FGF1: variants seen among roughly 807,000 people sequenced by gnomAD.
FGF1 encodes the protein fibroblast growth factor 1.
In FGF1, 9 loss-of-function variants were observed where a neutral mutation model predicts 13.4. The ratio of observed to expected loss-of-function variants is 0.67; its 90% CI spans 0.40 to 1.17. FGF1 has a LOEUF of 1.17. Among genes scored for constraint, FGF1 ranks in the 50% most tolerant of loss-of-function variants. The pLI is 0.01. For missense variants in FGF1, 156 were observed against 192.7 expected (o/e 0.81, Z 1.13); for synonymous variants, 93 against 79.0 (o/e 1.18, Z -0.94).
intron 1 of FGF1, among the ~76,000 whole-genome samples, chr5:142,678,427 G>A (rs764626086): frequency 1.3e-5 from 2 of 152,110 alleles, no homozygotes; most frequent in Non-Finnish European, 2.9e-5. Context: ...AGTCATTCAG[G>A]CACCTGCAAG....
chr5:142,635,239 G>T (rs1764055146), intron 1 of FGF1, among the ~76,000 whole-genome samples: 1 of 152,174 alleles, frequency 6.6e-6, no homozygotes. Flanking sequence ...GAATGGGGAT[G>T]ATAACAGTAC....
intron 3 of FGF1, among the ~76,000 whole-genome samples, chr5:142,596,731 C>A (rs1755360907): frequency 6.7e-6 from 1 of 149,706 alleles, no homozygotes; most frequent in Middle Eastern, 3.4e-3. Flanking sequence ...GGTGACAGAG[C>A]AAGAACCTGT....
intron 1 of FGF1, among the ~76,000 whole-genome samples, chr5:142,657,711 C>T (rs1039306751): frequency 6.6e-6 from 1 of 152,258 alleles, no homozygotes; most frequent in Non-Finnish European, 1.5e-5. Flanking sequence ...GGGTCTCTAC[C>T]ACATTCTCTG....
intron 2 of FGF1, among the ~76,000 whole-genome samples, chr5:142,606,496 G>A (rs1227706211): frequency 2.0e-5 from 3 of 151,788 alleles, no homozygotes; most frequent in Non-Finnish European, 4.4e-5. Flanking sequence ...GTTGGTGGGC[G>A]CCTGTAATCC....
chr5:142,664,271 C>A (rs1769858623), intron 1 of FGF1, among the ~76,000 whole-genome samples: 1 of 152,228 alleles, frequency 6.6e-6, no homozygotes, highest in African/African-American at 2.4e-5. Context: ...TCCCAGGCAG[C>A]GTGCACTGAT....
At chr5:142,660,975 G>A (rs1159659340) in intron 1 of FGF1, among the ~76,000 whole-genome samples, 1 of 152,200 alleles carries the variant, frequency 6.6e-6, no homozygotes, top group Non-Finnish European at 1.5e-5. Flanking sequence ...GGCTCCAAAT[G>A]GAACATGGTT....
rs547433855 is a variant in FGF1 at position 142,675,898 on chromosome 5, G to T, written c.-35+10059C>A. On this transcript the variant is annotated intron_variant, in intron 1 of 3. Transcript: ENST00000337706. ...TTGAGGAACTGAACACCCCCTGGCTGGTTGGGAACCCCAAAGCCTTTTTGT... is the reference window on the plus strand; with the variant it reads ...TTGAGGAACTGAACACCCCCTGGCTTGTTGGGAACCCCAAAGCCTTTTTGT... 2.5e-4 allele frequency among the ~76,000 whole-genome samples: 38 copies of T among 152,312 alleles called. 1 individual carries two copies. Among genetic ancestry groups the T allele is most frequent in the African/African-American group, 9.1e-4 (38 of 41,564 alleles).
chr5:142,675,215 G>A (rs1212808159), intron 1 of FGF1, among the ~76,000 whole-genome samples: 1 of 152,176 alleles, frequency 6.6e-6, no homozygotes, highest in Non-Finnish European at 1.5e-5. Context: ...GTCATAGTGG[G>A]ACAGGAAGAG....
chr5:142,623,128 G>C (rs368437561), intron 1 of FGF1, among the ~76,000 whole-genome samples: 14 of 152,178 alleles, frequency 9.2e-5, no homozygotes, highest in African/African-American at 3.4e-4. Context: ...CCCTCTGATA[G>C]CTGGTTTACC....
At chr5:142,661,692 T>C (rs1769247919) in intron 1 of FGF1, among the ~76,000 whole-genome samples, 1 of 152,108 alleles carries the variant, frequency 6.6e-6, no homozygotes, top group Non-Finnish European at 1.5e-5. Context: ...CACATTATAT[T>C]AAGTTTAAAA....
In FGF1 at chr5:142,670,221, TG is replaced by T. The variant is rs1449950397; in HGVS notation, c.-35+15735del. 7.2e-5 allele frequency among the ~76,000 whole-genome samples: 11 copies of T among 152,270 alleles called. No individual in the cohort carries two copies. In the East Asian group the frequency reaches 2.1e-3, roughly 29 times the overall value. ...GTCCTTGGCCAAGTGACCTCAAATC[TG>T]GTGTGAAAAGCCTCACCTTCCACTA... is the stretch of plus-strand genomic sequence containing the variant. On this transcript the variant is annotated intron_variant, in intron 1 of 3. Coordinates refer to ENST00000337706, the MANE Select transcript of FGF1 (RefSeq NM_000800.5).
At chr5:142,683,167 C>A (rs1348851788) in intron 1 of FGF1, among the ~76,000 whole-genome samples, 4 of 152,188 alleles carry the variant, frequency 2.6e-5, no homozygotes, top group African/African-American at 7.2e-5. Context: ...TTTCCAGCAA[C>A]CTAAATCAAG....
chr5:142,630,983 T>C (rs181888043), intron 1 of FGF1, among the ~76,000 whole-genome samples: 12 of 152,340 alleles, frequency 7.9e-5, no homozygotes, highest in African/African-American at 2.9e-4. Context: ...ACAGAAGCCA[T>C]GTTTATTCAA....
At chr5:142,604,472 G>A (rs529048891) in intron 2 of FGF1, among the ~76,000 whole-genome samples, 6 of 152,282 alleles carry the variant, frequency 3.9e-5, no homozygotes, top group African/African-American at 1.4e-4. Flanking sequence ...AAATTAAAGA[G>A]TGTGGGCTCC....
chr5:142,602,173 T>G (rs1225454498), intron 2 of FGF1, among the ~76,000 whole-genome samples: 2 of 148,828 alleles, frequency 1.3e-5, no homozygotes, highest in Admixed American at 1.3e-4. Context: ...TTTGTGTTCT[T>G]TTCTTTTTTT....
chr5:142,694,460 C>G (rs1752786911), intron 2 of FGF1, among the ~76,000 whole-genome samples: 1 of 152,222 alleles, frequency 6.6e-6, no homozygotes, highest in African/African-American at 2.4e-5. Flanking sequence ...ACAAGATACA[C>G]TTGAACCAAA....
At position 142,628,993 on chromosome 5, in the gene FGF1, G is replaced by C. The variant is rs188233556; in HGVS notation, c.-34-14832C>G. On this transcript the variant is annotated intron_variant, in intron 1 of 3. Transcript: ENST00000337706. The stretch of plus-strand genomic sequence containing the variant: ...TCTAGATGTTTAGATAGGCCCCTGG[G>C]GTGGGGAAGACAGAAGGCAGAACTT... 1.4e-4 allele frequency among the ~76,000 whole-genome samples: 22 copies of C among 152,192 alleles called. No homozygotes were observed. The East Asian group carries it at 4.3e-3, about 29-fold the overall frequency.
At chr5:142,618,474 T>C (rs965847352) in intron 1 of FGF1, among the ~76,000 whole-genome samples, 2 of 152,176 alleles carry the variant, frequency 1.3e-5, no homozygotes, top group African/African-American at 4.8e-5. Flanking sequence ...CTTGAAAAAT[T>C]GGACCTGACC....
intron 1 of FGF1, among the ~76,000 whole-genome samples, chr5:142,673,360 G>A (rs923428110): frequency 6.6e-6 from 1 of 152,240 alleles, no homozygotes; most frequent in African/African-American, 2.4e-5. Context: ...AACAGAGATA[G>A]CTACCATGGT....
Sources: allele counts gnomAD v4.1 joint callset (sites outside exome capture counted in the v4.1 genomes callset), GRCh38; gene constraint gnomAD v4.1.1; transcripts MANE v1.5; gene names NCBI Gene and HGNC (gene_info 2026-07-23, HGNC 2026-07-21).